CEP290: variants seen among roughly 807,000 people sequenced by gnomAD.
CEP290 encodes the protein centrosomal protein 290.
A neutral mutation model predicts 344.9 loss-of-function variants in CEP290; 317 were observed. The observed-to-expected ratio is 0.92, with a 90% CI of 0.84 to 1.01. The LOEUF is 1.01. CEP290 is among the 50% of genes least tolerant of loss of function. CEP290 has a pLI of 0.00. For missense variants in CEP290, 2,754 were observed against 2,761.4 expected (o/e 1.00, Z 0.06); for synonymous variants, 932 against 895.8 (o/e 1.04, Z -0.72).
chr12:88,140,609 T>C (rs935899253), intron 3 of CEP290, among the ~76,000 whole-genome samples: 3 of 152,234 alleles, frequency 2.0e-5, no homozygotes, highest in African/African-American at 7.2e-5. Flanking sequence ...CTCCTCAGTA[T>C]TGATCCTTTG....
chr12:88,096,485 CT>C (rs2037443593), intron 27 of CEP290, among the ~76,000 whole-genome samples: 1 of 152,024 alleles, frequency 6.6e-6, no homozygotes, highest in South Asian at 2.1e-4. Context: ...AATACAACTT[CT>C]TTTCACATTT....
intron 25 of CEP290, 51 bp from the exon 26 acceptor site, chr12:88,103,062 AAGCACT>A (rs2038018126): frequency 8.8e-7 from 1 of 1,140,264 alleles, no homozygotes; most frequent in African/African-American, 1.6e-5. Context: ...TTTTCTGGTC[AAGCACT>A]AGCCACTTTT....
intron 23 of CEP290, among the ~76,000 whole-genome samples, chr12:88,107,560 T>C (rs1293200835): frequency 6.6e-6 from 1 of 151,346 alleles, no homozygotes; most frequent in Non-Finnish European, 1.5e-5. Context: ...AATAACAGTA[T>C]ATTATATACT....
intron 30 of CEP290, 72 bp from the exon 31 acceptor site, chr12:88,089,559 A>T: frequency 8.5e-7 from 1 of 1,172,116 alleles, no homozygotes; most frequent in Non-Finnish European, 1.1e-6. Context: ...CAGATTTAAA[A>T]TTCACAATTT....
chr12:88,071,908 T>G lies in CEP290; in HGVS notation c.5728A>C (p.Ile1910Leu). The G allele has an allele frequency of 6.3e-7, 1 of 1,596,322 alleles. No individual in the cohort carries two copies. The highest frequency in any genetic ancestry group is 8.5e-7 in the Non-Finnish European group (1 of 1,173,450). The change falls in exon 42 of 54, where the codon ATT becomes CTT. Residue 1910 changes from isoleucine to leucine, a missense_variant. Coordinates refer to ENST00000552810, the MANE Select transcript of CEP290 (RefSeq NM_025114.4). ...CACTTTTTACCTTCTTCCCACCTAA[T>G]TAATTCTTCTTTAGCATTCTGTAAC... ...MKEKNAKEEL[I>L]RWEEGKKWQA... is the part of the protein sequence containing the mutation.
intron 42 of CEP290, 98 bp downstream of exon 42, chr12:88,071,683 A>G: frequency 2.0e-6 from 2 of 985,692 alleles, no homozygotes; most frequent in Non-Finnish European, 2.9e-6. Flanking sequence ...TTTAAACTAG[A>G]CCATTTCTCA....
At chr12:88,100,519 A>G (rs1246610768) in intron 26 of CEP290, among the ~76,000 whole-genome samples, 1 of 152,208 alleles carries the variant, frequency 6.6e-6, no homozygotes, top group Non-Finnish European at 1.5e-5. Flanking sequence ...CACCACATGC[A>G]CTGTGGCTCT....
chr12:88,111,089 T>C (rs1038463812), intron 22 of CEP290, 113 bp downstream of exon 22: 3 of 592,826 alleles, frequency 5.1e-6, no homozygotes, highest in Non-Finnish European at 7.8e-6. Context: ...GCTTTGGTGA[T>C]GGAAAAATTA....
chr12:88,094,676 G>A (rs1158001108), intron 27 of CEP290, among the ~76,000 whole-genome samples: 3 of 151,900 alleles, frequency 2.0e-5, no homozygotes, highest in African/African-American at 7.3e-5. Flanking sequence ...TTTTTGAGGG[G>A]GGGGGAAGAA....
At chr12:88,094,722 A>G (rs1382925430) in intron 27 of CEP290, among the ~76,000 whole-genome samples, 1 of 152,094 alleles carries the variant, frequency 6.6e-6, no homozygotes, top group Non-Finnish European at 1.5e-5. Context: ...GTCTAGAAAA[A>G]AAACAAAATT....
intron 44 of CEP290, among the ~76,000 whole-genome samples, chr12:88,064,986 T>C (rs2034793419): frequency 6.6e-6 from 1 of 152,138 alleles, no homozygotes; most frequent in Admixed American, 6.5e-5. Flanking sequence ...TAATATTATA[T>C]TTTCATTTCT....
rs2038988363 is a variant in CEP290 at position 88,115,549 on chromosome 12, A to C, written c.1825-367T>G. ...CTACACTCTGCTTCTTTGATCAAGA[A>C]TTCCTGTGCTATGATTTCATTCTAA... On this transcript the variant is annotated intron_variant, in intron 18 of 53. Transcript: ENST00000552810. 2.3e-6 allele frequency: 3 copies of C among 1,291,866 alleles called. No individual in the cohort carries two copies. The South Asian group carries it at 3.7e-5, about 16-fold the overall frequency. The allele number at this position is 1,291,866 out of a possible 1,614,324, so 80.0% of individuals were successfully genotyped here. A position where few individuals can be genotyped will look rare whatever the true frequency, so the allele number is the denominator to read the frequency against.
intron 25 of CEP290, among the ~76,000 whole-genome samples, chr12:88,104,795 T>C (rs1296804008): frequency 1.3e-5 from 2 of 152,060 alleles, no homozygotes; most frequent in Non-Finnish European, 2.9e-5. Context: ...TCAATTCAAG[T>C]ATTATTTTTC....
intron 23 of CEP290, 33 bp downstream of exon 23, chr12:88,109,033 C>A: frequency 3.0e-6 from 2 of 664,222 alleles, no homozygotes; most frequent in Non-Finnish European, 5.0e-6. Flanking sequence ...GAATATACTG[C>A]AATTATATTT....
In CEP290 at chr12:88,071,302, C is replaced by T. The variant is rs2035355059; in HGVS notation, c.6003G>A (p.Leu2001=). ...TCCACATAATAGCTTACCTCATATA[C>T]AATATATCATTTTCTAAGTCAAGAT... is the stretch of plus-strand genomic sequence containing the variant. The part of the protein sequence containing the change: ...KRNLDLENDI[L]YMRAHQALPR... Residue 2001 remains leucine, a synonymous_variant, in exon 43 of 54, where the codon TTG becomes TTA. Coordinates refer to ENST00000552810, the MANE Select transcript of CEP290 (RefSeq NM_025114.4). 1.2e-6 allele frequency: 2 copies of T among 1,603,232 alleles called. No homozygotes were observed. Among genetic ancestry groups the T allele is most frequent in the East Asian group, 2.2e-5 (1 of 44,714 alleles).
At position 88,053,646 on chromosome 12, in the gene CEP290, C is replaced by T. The variant is rs1222236040; in HGVS notation, c.7129+6G>A. On this transcript the variant is annotated splice_donor_region_variant and intron_variant, in intron 52 of 53. Transcript: ENST00000552810. ...GGTAGCTAACATGTTTTTTAAAATA[C>T]ATTACCAGGTATGGTGCTTTCAGCT... is the stretch of plus-strand genomic sequence containing the variant. 3 of 1,384,128 alleles carry T rather than the reference C, an allele frequency of 2.2e-6. No individual in the cohort carries two copies. The highest frequency in any genetic ancestry group is 5.0e-5 in the East Asian group (2 of 39,882). 85.7% of individuals were successfully genotyped at this position (1,384,128 alleles called of 1,614,324 possible). A position where few individuals can be genotyped will look rare whatever the true frequency, so the allele number is the denominator to read the frequency against.
chr12:88,132,315 GATATTTAAAAAGTCTATA>G (rs2040121799), intron 6 of CEP290, among the ~76,000 whole-genome samples: 2 of 151,964 alleles, frequency 1.3e-5, no homozygotes, highest in South Asian at 4.2e-4. Context: ...GGTATACAAC[GATATTTAAAAAGTCTATA>G]ATAAAGAACC....
intron 43 of CEP290, among the ~76,000 whole-genome samples, chr12:88,071,065 A>T (rs1168528888): frequency 6.6e-6 from 1 of 152,160 alleles, no homozygotes; most frequent in Non-Finnish European, 1.5e-5. Flanking sequence ...AAAAGTATCT[A>T]CATTTTCCCA....
Position 88,049,254 on chromosome 12 carries a change from G to A in CEP290, c.7370C>T (p.Thr2457Ile), listed in dbSNP as rs2033234687. The A allele has an allele frequency of 6.2e-7, 1 of 1,609,764 alleles. No homozygotes were observed. The highest frequency in any genetic ancestry group is 8.5e-7 in the Non-Finnish European group (1 of 1,178,666). Reference protein sequence around the residue: ...KLSEQLGVELTSPVAASEEFE... With the variant: ...KLSEQLGVELISPVAASEEFE... ...CTCTTCAGAAGCAGCAACAGGGCTA[G>A]TTAATTCAACTCCCAATTGTTCTGA... is the stretch of plus-strand genomic sequence containing the variant. The change falls in exon 54 of 54, where the codon ACT (threonine) becomes ATT (isoleucine). Residue 2457 changes from threonine (T) to isoleucine (I), a missense_variant. Coordinates refer to ENST00000552810, the MANE Select transcript of CEP290 (RefSeq NM_025114.4).
Sources: allele counts gnomAD v4.1 joint callset (sites outside exome capture counted in the v4.1 genomes callset), GRCh38; gene constraint gnomAD v4.1.1; transcripts MANE v1.5; gene names NCBI Gene and HGNC (gene_info 2026-07-23, HGNC 2026-07-21).